RFTN2: variants seen among roughly 807,000 people sequenced by gnomAD.
RFTN2 encodes raftlin family member 2.
RFTN2 carries 34 observed loss-of-function variants against 52.7 expected under a neutral mutation model. That is an observed-to-expected ratio of 0.64 (90% CI 0.49 to 0.86). The LOEUF is 0.86. RFTN2 is among the 40% of genes least tolerant of loss of function. The probability of loss-of-function intolerance (pLI) is 0.00; values close to 1 mark genes in which losing one functional copy is unlikely to be tolerated. For missense variants in RFTN2, 536 were observed against 600.1 expected (o/e 0.89, Z 1.12); for synonymous variants, 203 against 217.7 (o/e 0.93, Z 0.59).
chr2:197,599,160 C>T (rs897688241), intron 7 of RFTN2, among the ~76,000 whole-genome samples: 1 of 152,056 alleles, frequency 6.6e-6, no homozygotes, highest in African/African-American at 2.4e-5. Context: ...ACCGTGGACT[C>T]GATCTCCTGA....
At chr2:197,629,002 G>A (rs377358822) in intron 5 of RFTN2, among the ~76,000 whole-genome samples, 3 of 152,272 alleles carry the variant, frequency 2.0e-5, no homozygotes, top group African/African-American at 7.2e-5. Context: ...GGATGGGACC[G>A]TAAACTAGTT....
At position 197,571,357 on chromosome 2, in the gene RFTN2, T is replaced by C. The variant is rs2087313455; in HGVS notation, c.*651A>G. ...CTTTGCTGTCTGCATTTTTAGGCTT[T>C]TAGGAGCAACAACATTTATGTACAA... On this transcript the variant is annotated 3_prime_UTR_variant, in exon 9 of 9. Coordinates refer to ENST00000295049, the MANE Select transcript of RFTN2 (RefSeq NM_144629.3). 1 of 152,518 alleles carries C rather than the reference T, an allele frequency of 6.6e-6. No individual in the cohort carries two copies. The highest frequency in any genetic ancestry group is 2.4e-5 in the African/African-American group (1 of 41,458). The allele number at this position is 152,518 out of a possible 1,614,324, so 9.4% of individuals were successfully genotyped here.
At chr2:197,589,636 T>C (rs1356973364) in intron 8 of RFTN2, among the ~76,000 whole-genome samples, 1 of 152,248 alleles carries the variant, frequency 6.6e-6, no homozygotes, top group Non-Finnish European at 1.5e-5. Context: ...TTTTCATGTA[T>C]TTACTTCTCA....
At position 197,585,112 on chromosome 2, in the gene RFTN2, G is replaced by A. The variant is rs574150529; in HGVS notation, c.1233+10879C>T. On this transcript the variant is annotated intron_variant, in intron 8 of 8. Transcript: ENST00000295049. ...ATCCCTCCTCTTCCTCCTGGAAGTCGCAAGTACTCTCTCCTACTTCGCTTA... is the reference window on the plus strand; with the variant it reads ...ATCCCTCCTCTTCCTCCTGGAAGTCACAAGTACTCTCTCCTACTTCGCTTA... Among the ~76,000 whole-genome samples the A allele has an allele frequency of 1.6e-4, 24 of 152,234 alleles. No individual in the cohort carries two copies. In the South Asian group the frequency reaches 3.7e-3, roughly 24 times the overall value.
At chr2:197,671,261 A>G (rs1336829392) in intron 1 of RFTN2, among the ~76,000 whole-genome samples, 1 of 152,114 alleles carries the variant, frequency 6.6e-6, no homozygotes, top group Non-Finnish European at 1.5e-5. Flanking sequence ...TGCTCTGTTC[A>G]CCAGCCCTTG....
chr2:197,675,450 G>T lies in RFTN2; in HGVS notation c.9C>A (p.Cys3Ter). The T allele has an allele frequency of 6.4e-7, 1 of 1,571,442 alleles. No homozygotes were observed. The highest frequency in any genetic ancestry group is 8.6e-7 in the Non-Finnish European group (1 of 1,160,404). MG[C>*]GLRKLEDPDD... is the part of the protein sequence containing the mutation. Reference sequence around the variant, plus strand: ...CAGGGTCTTCTAGCTTTCTAAGTCCGCACCCCATGGCAAAATCTGTAAGGA... The same window carrying T: ...CAGGGTCTTCTAGCTTTCTAAGTCCTCACCCCATGGCAAAATCTGTAAGGA... Residue 3 changes from cysteine (C) to a stop codon, truncating the protein, a stop_gained, in exon 1 of 9, where the codon TGC (cysteine) becomes TGA (stop). Coordinates refer to ENST00000295049, the MANE Select transcript of RFTN2 (RefSeq NM_144629.3). LOFTEE classifies it high-confidence loss of function.
chr2:197,664,548 A>G (rs1228472004), intron 1 of RFTN2, among the ~76,000 whole-genome samples: 1 of 150,004 alleles, frequency 6.7e-6, no homozygotes, highest in Non-Finnish European at 1.5e-5. Flanking sequence ...CTGAGGCAGG[A>G]TTGCTTGTCC....
At chr2:197,573,493 G>C (rs2087352726) in intron 8 of RFTN2, among the ~76,000 whole-genome samples, 1 of 152,152 alleles carries the variant, frequency 6.6e-6, no homozygotes, top group Non-Finnish European at 1.5e-5. Flanking sequence ...AGGTGATTTG[G>C]GTACTGTTAA....
At chr2:197,629,943 C>T (rs546495137) in intron 5 of RFTN2, among the ~76,000 whole-genome samples, 107 of 152,150 alleles carry the variant, frequency 7.0e-4, no homozygotes, top group Middle Eastern at 3.4e-3. Flanking sequence ...AGGCTAGTCT[C>T]GAACTCCTGG....
rs1559351037 is a variant in RFTN2, at chr2:197,617,826, C to G, written c.1024G>C (p.Val342Leu). The G allele has an allele frequency of 1.9e-6, 3 of 1,606,004 alleles. No individual in the cohort carries two copies. The highest frequency in any genetic ancestry group is 1.7e-6 in the Non-Finnish European group (2 of 1,174,528). The change falls in exon 6 of 9, where the codon GTA becomes CTA. Residue 342 changes from valine to leucine, a missense_variant. Val to Leu is a conservative substitution (Grantham distance 32). Transcript: ENST00000295049. ...GSSRKGNDAI[V>L]VEQWTVIEGC... ...TCAATAACAGTCCATTGTTCTACTA[C>G]GATGGCATCATTTCCTTTCCTACTA...
chr2:197,579,199 G>A (rs960304105), intron 8 of RFTN2, among the ~76,000 whole-genome samples: 1 of 152,142 alleles, frequency 6.6e-6, no homozygotes, highest in African/African-American at 2.4e-5. Flanking sequence ...ATCATGACAG[G>A]GATGCCTGCC....
intron 5 of RFTN2, among the ~76,000 whole-genome samples, chr2:197,622,218 A>G (rs2088277563): frequency 6.6e-6 from 1 of 152,250 alleles, no homozygotes; most frequent in Non-Finnish European, 1.5e-5. Context: ...AGCAAGTGCT[A>G]ATGTAGAAGC....
At chr2:197,618,023 C>T (rs1260331426) in intron 5 of RFTN2, 102 bp from the exon 6 acceptor site, 1 of 950,038 alleles carries the variant, frequency 1.1e-6, no homozygotes. Flanking sequence ...GAAGGAAAAA[C>T]ATTTCAATTA....
chr2:197,601,767 G>T (rs1213374036), intron 7 of RFTN2, among the ~76,000 whole-genome samples: 5 of 152,076 alleles, frequency 3.3e-5, no homozygotes, highest in Admixed American at 2.0e-4. Flanking sequence ...AGTTATAGTG[G>T]AGAATAATGA....
In RFTN2 at chr2:197,572,165, C is replaced by G; in HGVS notation, c.1349G>C (p.Cys450Ser). 1 of 1,614,246 alleles carries G rather than the reference C, an allele frequency of 6.2e-7. No homozygotes were observed. Among genetic ancestry groups the G allele is most frequent in the South Asian group, 1.1e-5 (1 of 91,088 alleles). The change falls in exon 9 of 9, where the codon TGC (cysteine) becomes TCC (serine). Residue 450 changes from cysteine (C) to serine (S), a missense_variant. Cys to Ser is a moderately radical substitution (Grantham distance 112). Coordinates refer to ENST00000295049, the MANE Select transcript of RFTN2 (RefSeq NM_144629.3). ...GCATTCCCGGGAGGGAGAAAGGCGGCACTCCTCAGGCAGGTGTCTGCTCTC... is the reference window on the plus strand; with the variant it reads ...GCATTCCCGGGAGGGAGAAAGGCGGGACTCCTCAGGCAGGTGTCTGCTCTC... ...PAESRHLPEE[C>S]RLSPSRECWT...
At position 197,675,461 on chromosome 2, in the gene RFTN2, C is replaced by G. The variant is rs1162123031; in HGVS notation, c.-3G>C. On this transcript the variant is annotated 5_prime_UTR_variant, in exon 1 of 9. Coordinates refer to ENST00000295049, the MANE Select transcript of RFTN2 (RefSeq NM_144629.3). The stretch of plus-strand genomic sequence containing the variant: ...AGCTTTCTAAGTCCGCACCCCATGG[C>G]AAAATCTGTAAGGAATTAAATTGCA... The G allele has an allele frequency of 6.4e-7, 1 of 1,554,858 alleles. No homozygotes were observed. The highest frequency in any genetic ancestry group is 1.9e-5 in the Admixed American group (1 of 51,644).
chr2:197,669,093 T>C (rs908268136), intron 1 of RFTN2, among the ~76,000 whole-genome samples: 3 of 152,246 alleles, frequency 2.0e-5, no homozygotes, highest in Admixed American at 1.3e-4. Flanking sequence ...AATGTGTGAT[T>C]ATCTACTCAC....
At chr2:197,619,740 T>A (rs1408460109) in intron 5 of RFTN2, among the ~76,000 whole-genome samples, 1 of 126,946 alleles carries the variant, frequency 7.9e-6, no homozygotes. Flanking sequence ...AATGATCAAT[T>A]AAAAAAAAAA....
intron 5 of RFTN2, among the ~76,000 whole-genome samples, chr2:197,623,459 A>G (rs1402212869): frequency 1.3e-5 from 2 of 152,134 alleles, no homozygotes; most frequent in Non-Finnish European, 2.9e-5. Flanking sequence ...ATGAGCAAAG[A>G]AAGTGGTTTC....
Sources: gnomAD v4.1 joint callset for allele counts (sites outside exome capture counted in the v4.1 genomes callset) on GRCh38, gnomAD v4.1.1 for gene constraint, MANE v1.5 for transcripts, NCBI Gene and HGNC (gene_info 2026-07-23, HGNC 2026-07-21) for gene names.